Variants in CACNB2 observed in about 807,000 individuals in gnomAD.
CACNB2 encodes voltage-dependent L-type calcium channel subunit beta-2.
Under a neutral mutation model 73.3 loss-of-function variants are expected in CACNB2, and 42 were observed. The ratio of observed to expected loss-of-function variants is 0.57; its 90% confidence interval spans 0.45 to 0.74. CACNB2 has a LOEUF of 0.74. Ranked by LOEUF, CACNB2 falls within the 30% of genes least tolerant of loss-of-function variation. The pLI is 0.00. For missense variants in CACNB2, 940 were observed against 853.0 expected, an observed-to-expected ratio of 1.10 and a Z score of -1.27; for synonymous variants, 348 against 310.3, an observed-to-expected ratio of 1.12 and a Z score of -1.28.
intron 3 of CACNB2, among the ~76,000 whole-genome samples, chr10:18,490,990 G>C (rs1319674693): frequency 6.6e-6 from 1 of 152,182 alleles, no homozygotes; most frequent in African/African-American, 2.4e-5. Flanking sequence ...AGCACCTCTT[G>C]TGTCCCAGCA....
chr10:18,311,767 G>A (rs113963024), intron 2 of CACNB2, among the ~76,000 whole-genome samples: 6 of 152,230 alleles, frequency 3.9e-5, no homozygotes, highest in African/African-American at 1.4e-4. Context: ...ATACATAAGT[G>A]GACCCACATG....
At chr10:18,393,976 C>G (rs2043599404) in intron 2 of CACNB2, among the ~76,000 whole-genome samples, 1 of 152,158 alleles carries the variant, frequency 6.6e-6, no homozygotes, top group Non-Finnish European at 1.5e-5. Flanking sequence ...GAGTCTCACT[C>G]TGTTGCCAGG....
intron 2 of CACNB2, among the ~76,000 whole-genome samples, chr10:18,397,720 CAAAAAAA>C (rs10581390): frequency 2.2e-5 from 2 of 91,768 alleles, no homozygotes; most frequent in South Asian, 3.9e-4. Context: ...GACTCCGTCT[CAAAAAAA>C]AAAAAAAAAA....
intron 7 of CACNB2, 191 bp downstream of exon 7, chr10:18,514,560 A>T (rs751329172): frequency 1.2e-6 from 2 of 1,611,236 alleles, no homozygotes; most frequent in Admixed American, 1.7e-5. Flanking sequence ...AGCTGTGTTT[A>T]TCCTGCCACT....
chr10:18,482,478 G>C (rs980565839), intron 3 of CACNB2, among the ~76,000 whole-genome samples: 1 of 151,946 alleles, frequency 6.6e-6, no homozygotes, highest in African/African-American at 2.4e-5. Flanking sequence ...AAGATGCCTT[G>C]AGCAGATATT....
intron 10 of CACNB2, 25 bp downstream of exon 10, chr10:18,527,722 C>G (rs761269780): frequency 1.5e-6 from 2 of 1,369,874 alleles, no homozygotes; most frequent in East Asian, 2.3e-5. Flanking sequence ...TGAGCTTAAG[C>G]TTTTTAAACT....
chr10:18,397,405 C>T (rs1171420359), intron 2 of CACNB2, among the ~76,000 whole-genome samples: 1 of 151,972 alleles, frequency 6.6e-6, no homozygotes, highest in African/African-American at 2.4e-5. Flanking sequence ...ACAGAGGTTA[C>T]AGTGAGGCAA....
At chr10:18,199,072 A>T (rs2034755817) in intron 2 of CACNB2, among the ~76,000 whole-genome samples, 1 of 152,186 alleles carries the variant, frequency 6.6e-6, no homozygotes, top group Non-Finnish European at 1.5e-5. Context: ...GGTGCTAATA[A>T]GTATGTTGAT....
rs1304255418 is a variant in CACNB2, at chr10:18,539,782, A to G, written c.*58A>G. ...TTTGAAGTCTTGTATAACTAACAGC[A>G]TCCCCAAAACAAAGTCTTTGGGGTC... On this transcript the variant is annotated 3_prime_UTR_variant, in exon 14 of 14. Transcript: ENST00000324631. 100 of 1,526,412 alleles carry G rather than the reference A, an allele frequency of 6.6e-5. No homozygotes were observed. The highest frequency in any genetic ancestry group is 3.5e-4 in the Middle Eastern group (2 of 5,674). The allele number at this position is 1,526,412 out of a possible 1,614,324, so 94.6% of individuals were successfully genotyped here.
intron 6 of CACNB2, among the ~76,000 whole-genome samples, chr10:18,511,251 C>T (rs1448444769): frequency 6.6e-6 from 1 of 152,070 alleles, no homozygotes; most frequent in Non-Finnish European, 1.5e-5. Context: ...AAAATCATAC[C>T]TCCTGCATTA....
chr10:18,432,599 A>G (rs2045942031), intron 3 of CACNB2, among the ~76,000 whole-genome samples: 1 of 152,154 alleles, frequency 6.6e-6, no homozygotes, highest in Admixed American at 6.6e-5. Context: ...TTGGGAGGCC[A>G]GAGGCAAGCA....
At chr10:18,316,642 G>A (rs183005012) in intron 2 of CACNB2, among the ~76,000 whole-genome samples, 93 of 151,956 alleles carry the variant, frequency 6.1e-4, no homozygotes, top group Non-Finnish European at 1.1e-3. Context: ...TTTTGTATTC[G>A]TTGTAGTGCC....
intron 3 of CACNB2, among the ~76,000 whole-genome samples, chr10:18,419,988 G>A (rs1049668262): frequency 1.3e-5 from 2 of 152,102 alleles, no homozygotes; most frequent in African/African-American, 4.8e-5. Context: ...ATAAGTTCTA[G>A]GTTTTTATTT....
At chr10:18,362,180 G>A (rs1212129363) in intron 2 of CACNB2, among the ~76,000 whole-genome samples, 3 of 152,046 alleles carry the variant, frequency 2.0e-5, no homozygotes, top group East Asian at 3.9e-4. Context: ...TCTTTCGAGT[G>A]TTTTTGTATA....
chr10:18,140,836 G>A lies in CACNB2; in HGVS notation c.100G>A (p.Ala34Thr). The A allele has an allele frequency of 6.2e-7, 1 of 1,602,960 alleles. No homozygotes were observed. ...ELLENVAPAG[A>T]LGAAAQSYGK... Reference sequence around the variant, plus strand: ...GCTAGAGAACGTGGCTCCCGCGGGGGCGCTCGGAGCCGCCGCACAGGTAGC... The same window carrying A: ...GCTAGAGAACGTGGCTCCCGCGGGGACGCTCGGAGCCGCCGCACAGGTAGC... The change falls in exon 1 of 14, where the codon GCG becomes ACG. Residue 34 changes from alanine to threonine, a missense_variant. By Grantham distance (58) the Ala-to-Thr change is moderately conservative. Transcript: ENST00000324631.
At chr10:18,514,019 A>G (rs191420538) in intron 6 of CACNB2, among the ~76,000 whole-genome samples, 1 of 152,378 alleles carries the variant, frequency 6.6e-6, no homozygotes, top group Admixed American at 6.5e-5. Flanking sequence ...GATTCATTCA[A>G]GCAAACAGAT....
chr10:18,503,492 A>G (rs2050320295), intron 5 of CACNB2, among the ~76,000 whole-genome samples: 1 of 152,214 alleles, frequency 6.6e-6, no homozygotes, highest in African/African-American at 2.4e-5. Context: ...GCTACTTGGG[A>G]GCCTGAGGTA....
intron 2 of CACNB2, among the ~76,000 whole-genome samples, chr10:18,318,004 G>A (rs1200624710): frequency 6.6e-6 from 1 of 152,152 alleles, no homozygotes; most frequent in African/African-American, 2.4e-5. Flanking sequence ...AACATTCTAT[G>A]CTCATGGATA....
At chr10:18,454,606 C>T (rs187994429) in intron 3 of CACNB2, among the ~76,000 whole-genome samples, 72 of 152,294 alleles carry the variant, frequency 4.7e-4, no homozygotes, top group Non-Finnish European at 9.7e-4. Context: ...ATCATAGGAC[C>T]AAGTTTTAAA....
Sources: allele counts gnomAD v4.1 joint callset (sites outside exome capture counted in the v4.1 genomes callset), GRCh38; gene constraint gnomAD v4.1.1; transcripts MANE v1.5; gene names NCBI Gene and HGNC (gene_info 2026-07-23, HGNC 2026-07-21).